HNRNPA2B1: variants seen among roughly 807,000 people sequenced by gnomAD.
HNRNPA2B1 encodes heterogeneous nuclear ribonucleoproteins A2/B1.
Under a neutral mutation model 46.3 loss-of-function variants are expected in HNRNPA2B1, and 3 were observed. That is an observed-to-expected ratio of 0.06 (90% confidence interval 0.03 to 0.17). The LOEUF is 0.17. Ranked by LOEUF, HNRNPA2B1 falls within the 10% of genes least tolerant of loss-of-function variation. The pLI, the probability that HNRNPA2B1 is intolerant of heterozygous loss-of-function variation, is 1.00. For missense variants in HNRNPA2B1, 221 were observed against 418.9 expected (o/e 0.53, Z 4.12); for synonymous variants, 225 against 133.8 (o/e 1.68, Z -4.70).
intron 7 of HNRNPA2B1, 140 bp from the exon 8 acceptor site, chr7:26,193,834 A>C (rs1396122958): frequency 2.7e-6 from 2 of 747,588 alleles, no homozygotes; most frequent in South Asian, 1.7e-5. Flanking sequence ...TCAAGGACTG[A>C]ATAACTATCC....
chr7:26,193,134 C>T (rs559922579), intron 9 of HNRNPA2B1, 117 bp downstream of exon 9: 20 of 975,676 alleles, frequency 2.0e-5, no homozygotes, highest in Admixed American at 7.3e-5. Flanking sequence ...TCACTAAGAC[C>T]GTACATGGAG....
intron 9 of HNRNPA2B1, among the ~76,000 whole-genome samples, chr7:26,192,905 G>A (rs1276343540): frequency 6.6e-6 from 1 of 152,152 alleles, no homozygotes; most frequent in Non-Finnish European, 1.5e-5. Flanking sequence ...AATAAGCTAA[G>A]CAATGGTTTG....
Position 26,196,856 on chromosome 7 carries a change from G to A in HNRNPA2B1, c.426C>T (p.Gly142=), listed in dbSNP as rs1783702388. ...GGTCATCAAAAGTAACAAAGCCAAA[G>A]CCTCTTTTCTTTCCAGACTGCCTAT... The part of the protein sequence containing the change: ...ITDRQSGKKR[G]FGFVTFDDHD... Residue 142 remains glycine, a synonymous_variant, in exon 4 of 11, where the codon GGC becomes GGT. Transcript: ENST00000618183. The A allele has an allele frequency of 6.2e-7, 1 of 1,613,970 alleles. No individual in the cohort carries two copies. Among genetic ancestry groups the A allele is most frequent in the Non-Finnish European group, 8.5e-7 (1 of 1,179,958 alleles).
In HNRNPA2B1 at chr7:26,190,057, T is replaced by C. The variant is rs968596493; in HGVS notation, c.*2303A>G. The C allele has an allele frequency of 6.6e-6, 1 of 152,612 alleles. No homozygotes were observed. Among genetic ancestry groups the C allele is most frequent in the Non-Finnish European group, 1.5e-5 (1 of 68,012 alleles). 9.5% of individuals were successfully genotyped at this position (152,612 alleles called of 1,614,324 possible). A position where few individuals can be genotyped will look rare whatever the true frequency, so the allele number is the denominator to read the frequency against. ...CTTTTAAAAATTTAGGGGATGGTGA[T>C]CTTTTAGACAACCAAATATTTATAG... is the stretch of plus-strand genomic sequence containing the variant. On this transcript the variant is annotated 3_prime_UTR_variant, in exon 11 of 11. Coordinates refer to ENST00000618183, the MANE Select transcript of HNRNPA2B1 (RefSeq NM_002137.4).
At chr7:26,194,075 T>C (rs374490257) in intron 7 of HNRNPA2B1, among the ~76,000 whole-genome samples, 10 of 152,228 alleles carry the variant, frequency 6.6e-5, no homozygotes, top group East Asian at 3.8e-4. Flanking sequence ...GTTTCTATTA[T>C]GTCTCTCTAC....
In HNRNPA2B1 at chr7:26,191,181, T is replaced by C. The variant is rs1345253631; in HGVS notation, c.*1179A>G. ...TATGTTAAGCACCCAAATCTTCACA[T>C]GGAGGGGGAGGGGGTGGGAAAAGAA... is the stretch of plus-strand genomic sequence containing the variant. On this transcript the variant is annotated 3_prime_UTR_variant, in exon 11 of 11. Coordinates refer to ENST00000618183, the MANE Select transcript of HNRNPA2B1 (RefSeq NM_002137.4). 1 of 102,994 alleles carries C rather than the reference T, an allele frequency of 9.7e-6. No homozygotes were observed. Among genetic ancestry groups the C allele is most frequent in the Non-Finnish European group, 1.9e-5 (1 of 52,648 alleles). 6.4% of individuals were successfully genotyped at this position (102,994 alleles called of 1,614,324 possible). A position where few individuals can be genotyped will look rare whatever the true frequency, so the allele number is the denominator to read the frequency against.
chr7:26,194,644 G>A (rs1783306878), intron 7 of HNRNPA2B1, among the ~76,000 whole-genome samples: 1 of 151,690 alleles, frequency 6.6e-6, no homozygotes, highest in Non-Finnish European at 1.5e-5. Context: ...AGTAAGCCAA[G>A]ATCACACCAC....
At chr7:26,198,082 GGATT>G (rs1368786767) in intron 1 of HNRNPA2B1, 15 of 383,362 alleles carry the variant, frequency 3.9e-5, no homozygotes, top group African/African-American at 1.5e-4. Context: ...GATTATCAAA[GGATT>G]ATTAAAGAAT....
chr7:26,194,700 A>G (rs1425164657), intron 7 of HNRNPA2B1, among the ~76,000 whole-genome samples: 1 of 152,062 alleles, frequency 6.6e-6, no homozygotes, highest in East Asian at 1.9e-4. Flanking sequence ...TTCAAAGAAA[A>G]AAAACAGACC....
chr7:26,196,073 A>C (rs1352630498), intron 6 of HNRNPA2B1, among the ~76,000 whole-genome samples, 164 bp from the exon 7 acceptor site: 1 of 152,230 alleles, frequency 6.6e-6, no homozygotes, highest in Admixed American at 6.5e-5. Context: ...CATATAATTA[A>C]ATCTACCGCC....
chr7:26,197,522 T>C lies in HNRNPA2B1; in HGVS notation c.118-61A>G, dbSNP rs982606800. The C allele has an allele frequency of 1.9e-6, 3 of 1,587,140 alleles. No individual in the cohort carries two copies. The African/African-American group carries it at 4.1e-5, about 21-fold the overall frequency. ...TCATTATAGCTTATAAGTGAAGTCA[T>C]AATAGAATTTTTTACTATGCTGATA... is the stretch of plus-strand genomic sequence containing the variant. On this transcript the variant is annotated intron_variant, in intron 2 of 10. Coordinates refer to ENST00000618183, the MANE Select transcript of HNRNPA2B1 (RefSeq NM_002137.4).
Position 26,197,308 on chromosome 7 carries a change from T to A in HNRNPA2B1, c.264+7A>T, listed in dbSNP as rs2128123529. The A allele has an allele frequency of 6.2e-7, 1 of 1,602,682 alleles. No individual in the cohort carries two copies. Among genetic ancestry groups the A allele is most frequent in the East Asian group, 2.2e-5 (1 of 44,706 alleles). On this transcript the variant is annotated splice_region_variant and intron_variant, in intron 3 of 10. Coordinates refer to ENST00000618183, the MANE Select transcript of HNRNPA2B1 (RefSeq NM_002137.4). ...GTTAATGCACAAGACAGTCATTGTT[T>A]GCTTACCTCTCTTGCTACAGCACGT...
intron 9 of HNRNPA2B1, among the ~76,000 whole-genome samples, 155 bp downstream of exon 9, chr7:26,193,096 T>C (rs1244342803): frequency 1.3e-5 from 2 of 152,152 alleles, no homozygotes; most frequent in Non-Finnish European, 2.9e-5. Context: ...AGTACTTCTG[T>C]GGAGATTTAT....
chr7:26,194,045 C>A (rs887384250), intron 7 of HNRNPA2B1, among the ~76,000 whole-genome samples: 1 of 152,204 alleles, frequency 6.6e-6, no homozygotes, highest in Non-Finnish European at 1.5e-5. Context: ...GCACTTCCTC[C>A]TACTGGCCCA....
Position 26,191,932 on chromosome 7 carries a change from TTA to T in HNRNPA2B1, c.*426_*427del, listed in dbSNP as rs1164990754. 4 of 152,640 alleles carry T rather than the reference TTA, an allele frequency of 2.6e-5. No individual in the cohort carries two copies. Among genetic ancestry groups the T allele is most frequent in the African/African-American group, 4.8e-5 (2 of 41,450 alleles). The allele number at this position is 152,640 out of a possible 1,614,324, so 9.5% of individuals were successfully genotyped here. A position where few individuals can be genotyped will look rare whatever the true frequency, so the allele number is the denominator to read the frequency against. ...CTTAAATTTTTTTAAAGGAAAAACG[TTA>T]TGTCTTATTACACCATGATCCTGGC... On this transcript the variant is annotated 3_prime_UTR_variant, in exon 11 of 11. Transcript: ENST00000618183.
chr7:26,195,865 A>T lies in HNRNPA2B1; in HGVS notation c.703T>A (p.Tyr235Asn). Residue 235 changes from tyrosine (Y) to asparagine (N), a missense_variant, in exon 7 of 11, where the codon TAT becomes AAT. Coordinates refer to ENST00000618183, the MANE Select transcript of HNRNPA2B1 (RefSeq NM_002137.4). ...AACTGACCTCCAGGTCCTCCTCCATACCCATTATAGCCATCCCCAAATCCA... is the reference window on the plus strand; with the variant it reads ...AACTGACCTCCAGGTCCTCCTCCATTCCCATTATAGCCATCCCCAAATCCA... ...GRGFGDGYNG[Y>N]GGGPGGGNFG... The T allele has an allele frequency of 6.2e-7, 1 of 1,611,426 alleles. No individual in the cohort carries two copies. Among genetic ancestry groups the T allele is most frequent in the Non-Finnish European group, 8.5e-7 (1 of 1,179,180 alleles).
chr7:26,196,723 A>AC, intron 4 of HNRNPA2B1, 65 bp from the exon 5 acceptor site: 1 of 1,567,592 alleles, frequency 6.4e-7, no homozygotes, highest in South Asian at 1.1e-5. Context: ...TCAAAAGTTT[A>AC]CCTTTCAATA....
chr7:26,194,359 G>A lies in HNRNPA2B1; in HGVS notation c.722-665C>T, dbSNP rs192688937. ...TGCAGTGAGCTGAGATCACACCACT[G>A]CACTCCAGCCTGGGCGACAGAGAGA... On this transcript the variant is annotated intron_variant, in intron 7 of 10. Coordinates refer to ENST00000618183, the MANE Select transcript of HNRNPA2B1 (RefSeq NM_002137.4). Among the ~76,000 whole-genome samples the A allele has an allele frequency of 3.6e-4, 54 of 152,086 alleles. No homozygotes were observed. The East Asian group carries it at 8.1e-3, about 23-fold the overall frequency.
intron 1 of HNRNPA2B1, chr7:26,198,358 A>G (rs1783915686): frequency 6.6e-6 from 1 of 152,580 alleles, no homozygotes; most frequent in Non-Finnish European, 1.5e-5. Flanking sequence ...GATATGCATT[A>G]GAAATAACCT....
Sources: gnomAD v4.1 joint callset for allele counts (sites outside exome capture counted in the v4.1 genomes callset) on GRCh38, gnomAD v4.1.1 for gene constraint, MANE v1.5 for transcripts, NCBI Gene and HGNC (gene_info 2026-07-23, HGNC 2026-07-21) for gene names.